Variants in EPHA5 observed in about 807,000 individuals in gnomAD.
EPHA5 encodes EPH receptor A5.
In EPHA5, 60 loss-of-function variants were observed where a neutral mutation model predicts 105.0. That is an observed-to-expected ratio of 0.57 (90% CI 0.46 to 0.71). The LOEUF (loss-of-function observed/expected upper bound fraction) is 0.71. Ranked by LOEUF, EPHA5 falls within the 30% of genes least tolerant of loss-of-function variation. EPHA5 has a pLI of 0.00. For synonymous variants in EPHA5, 513 were observed against 449.1 expected (o/e 1.14, Z -1.80); for missense variants, 1,218 against 1,274.7 (o/e 0.96, Z 0.68).
chr4:65,526,525 C>A (rs75221176), intron 3 of EPHA5, among the ~76,000 whole-genome samples: 397 of 151,856 alleles, frequency 2.6e-3, no homozygotes, highest in African/African-American at 9.0e-3. Flanking sequence ...TGTGTTTTAT[C>A]AGATATTTTT....
chr4:65,365,370 G>A (rs913460580), intron 10 of EPHA5, among the ~76,000 whole-genome samples, 168 bp from the exon 11 acceptor site: 2 of 151,076 alleles, frequency 1.3e-5, no homozygotes, highest in African/African-American at 4.8e-5. Context: ...CTACATTATT[G>A]ATAGTAATGA....
intron 5 of EPHA5, among the ~76,000 whole-genome samples, chr4:65,460,339 A>G (rs1728004922): frequency 1.3e-5 from 2 of 151,532 alleles, no homozygotes; most frequent in South Asian, 4.1e-4. Flanking sequence ...ATAGCTAGCC[A>G]TAGTTTGAAT....
At chr4:65,461,966 G>A (rs1047392858) in intron 5 of EPHA5, among the ~76,000 whole-genome samples, 5 of 152,012 alleles carry the variant, frequency 3.3e-5, no homozygotes, top group African/African-American at 9.7e-5. Context: ...TAACCAAGCA[G>A]AACATGCCGT....
At chr4:65,568,059 T>C (rs1739740102) in intron 3 of EPHA5, among the ~76,000 whole-genome samples, 1 of 151,580 alleles carries the variant, frequency 6.6e-6, no homozygotes, top group Non-Finnish European at 1.5e-5. Context: ...CAAAACCATG[T>C]TTAACTTCAT....
chr4:65,454,953 A>G (rs1727428530), intron 5 of EPHA5, among the ~76,000 whole-genome samples: 1 of 152,160 alleles, frequency 6.6e-6, no homozygotes, highest in Non-Finnish European at 1.5e-5. Flanking sequence ...ATTTTATGAA[A>G]ATTATATTTC....
chr4:65,576,063 GAAAAGAAAAGAAAA>G (rs1740948943), intron 3 of EPHA5, among the ~76,000 whole-genome samples: 1 of 56,050 alleles, frequency 1.8e-5, no homozygotes, highest in South Asian at 6.9e-4. Context: ...AGAAAGAAAA[GAAAAGAAAAGAAAA>G]GAAAAGAAAA....
intron 3 of EPHA5, among the ~76,000 whole-genome samples, chr4:65,558,401 G>T (rs1180145067): frequency 6.6e-6 from 1 of 151,886 alleles, no homozygotes; most frequent in East Asian, 1.9e-4. Context: ...TATCATTAGG[G>T]TATTTCATTT....
intron 3 of EPHA5, among the ~76,000 whole-genome samples, chr4:65,595,651 A>C (rs967782051): frequency 1.4e-5 from 2 of 145,698 alleles, no homozygotes; most frequent in Non-Finnish European, 3.0e-5. Context: ...CGCGATCTCC[A>C]CTCACTGCAA....
intron 5 of EPHA5, among the ~76,000 whole-genome samples, chr4:65,463,460 T>A (rs1728313026): frequency 6.6e-6 from 1 of 152,186 alleles, no homozygotes. Flanking sequence ...AGATCACTAC[T>A]GTTAATACAG....
At chr4:65,587,504 A>T (rs77497532) in intron 3 of EPHA5, among the ~76,000 whole-genome samples, 7 of 152,150 alleles carry the variant, frequency 4.6e-5, no homozygotes, top group Non-Finnish European at 7.4e-5. Context: ...AAAAGTTCAG[A>T]AATGGATTGA....
intron 3 of EPHA5, among the ~76,000 whole-genome samples, chr4:65,597,505 G>A (rs1743306303): frequency 6.6e-6 from 1 of 150,914 alleles, no homozygotes; most frequent in African/African-American, 2.4e-5. Context: ...AAAATAGCAT[G>A]AATTTCATCA....
chr4:65,504,631 G>A (rs898907450), intron 3 of EPHA5, among the ~76,000 whole-genome samples: 1 of 151,892 alleles, frequency 6.6e-6, no homozygotes, highest in African/African-American at 2.4e-5. Flanking sequence ...ATGCGGATGT[G>A]CTTGACATAT....
rs541460731 is a variant in EPHA5 at position 65,328,516 on chromosome 4, C to T, written c.2945+3457G>A. On this transcript the variant is annotated intron_variant, in intron 16 of 16. Transcript: ENST00000613740. ...CCTTCTACTTTACACACCTTTTAGCCGTATCACTGGTACTTAGCCCCAACC... is the reference window on the plus strand; with the variant it reads ...CCTTCTACTTTACACACCTTTTAGCTGTATCACTGGTACTTAGCCCCAACC... 4.6e-5 allele frequency among the ~76,000 whole-genome samples: 7 copies of T among 151,212 alleles called. No homozygotes were observed. In the South Asian group the frequency reaches 6.2e-4, roughly 13 times the overall value.
intron 7 of EPHA5, among the ~76,000 whole-genome samples, chr4:65,410,245 C>T (rs1271916844): frequency 6.6e-6 from 1 of 152,158 alleles, no homozygotes; most frequent in Non-Finnish European, 1.5e-5. Context: ...AATAAACAAA[C>T]TTGATATACA....
rs116895088 is a variant in EPHA5, at chr4:65,531,938, T to C, written c.911-36395A>G. 2.2e-3 allele frequency among the ~76,000 whole-genome samples: 328 copies of C among 152,332 alleles called. 5 individuals carry two copies. In the East Asian group the frequency reaches 0.046, roughly 21 times the overall value. ...ATAAGCCTATCTCAAAAGACTGTTG[T>C]ATTAAATAAGGCCATGTGTATACGA... On this transcript the variant is annotated intron_variant, in intron 3 of 16. Transcript: ENST00000613740.
chr4:65,398,572 G>C (rs1215209438), intron 8 of EPHA5, among the ~76,000 whole-genome samples: 1 of 152,120 alleles, frequency 6.6e-6, no homozygotes, highest in Non-Finnish European at 1.5e-5. Flanking sequence ...AGAAGTTATG[G>C]TGCTTTCTCT....
chr4:65,440,926 A>C (rs1310997772), intron 5 of EPHA5, among the ~76,000 whole-genome samples: 1 of 152,130 alleles, frequency 6.6e-6, no homozygotes, highest in Non-Finnish European at 1.5e-5. Context: ...ACTAGAAGTA[A>C]GTAAGGCTAA....
intron 5 of EPHA5, among the ~76,000 whole-genome samples, chr4:65,464,015 A>C (rs548739072): frequency 2.7e-4 from 41 of 152,050 alleles, no homozygotes; most frequent in African/African-American, 8.9e-4. Context: ...AAAATAAATA[A>C]ATAAATATTA....
chr4:65,634,373 T>G (rs1746920908), intron 2 of EPHA5, among the ~76,000 whole-genome samples: 1 of 152,118 alleles, frequency 6.6e-6, no homozygotes, highest in South Asian at 2.1e-4. Context: ...CAATTCATTT[T>G]AAGTGTTTGT....
Sources: allele counts gnomAD v4.1 joint callset (sites outside exome capture counted in the v4.1 genomes callset), GRCh38; gene constraint gnomAD v4.1.1; transcripts MANE v1.5; gene names NCBI Gene and HGNC (gene_info 2026-07-23, HGNC 2026-07-21).